The following DDX31 variants were observed in gnomAD, a reference collection of about 807,000 sequenced individuals.
DDX31 encodes the protein DEAD-box helicase 31, also known as ATP-dependent DNA helicase DDX31.
Under a neutral mutation model 91.3 loss-of-function variants are expected in DDX31, and 70 were observed. The ratio of observed to expected loss-of-function variants is 0.77; its 90% CI spans 0.63 to 0.94. DDX31 has a LOEUF of 0.94. DDX31 is among the 40% of genes least tolerant of loss of function. The pLI is 0.00. For missense variants in DDX31, 902 were observed against 925.0 expected (o/e 0.98, Z 0.32); for synonymous variants, 362 against 350.6 (o/e 1.03, Z -0.36).
At chr9:132,629,079 G>C (rs1448469348) in intron 16 of DDX31, among the ~76,000 whole-genome samples, 1 of 152,256 alleles carries the variant, frequency 6.6e-6, no homozygotes, top group Non-Finnish European at 1.5e-5. Flanking sequence ...GCAAAGAGAG[G>C]CCAGCCAGCC....
At chr9:132,615,844 A>G (rs1264675033) in intron 18 of DDX31, among the ~76,000 whole-genome samples, 2 of 152,256 alleles carry the variant, frequency 1.3e-5, no homozygotes, top group Non-Finnish European at 2.9e-5. Context: ...CTGGTTATTA[A>G]CAATGACTGG....
At chr9:132,641,917 C>T in intron 14 of DDX31, 87 bp downstream of exon 14, 2 of 1,424,000 alleles carry the variant, frequency 1.4e-6, no homozygotes, top group South Asian at 1.2e-5. Context: ...TAGGACTGAC[C>T]ACAGGACAAA....
intron 9 of DDX31, among the ~76,000 whole-genome samples, chr9:132,649,163 A>G (rs1264465484): frequency 2.0e-5 from 3 of 152,060 alleles, no homozygotes; most frequent in African/African-American, 7.3e-5. Flanking sequence ...GCTGGTCTCA[A>G]ACTCCTGGTC....
chr9:132,637,883 A>AT, intron 14 of DDX31: 2 of 988,888 alleles, frequency 2.0e-6, no homozygotes, highest in Non-Finnish European at 2.4e-6. Context: ...GTCTACATTT[A>AT]TTTGGGACAC....
chr9:132,646,577 A>G (rs1379096593), intron 12 of DDX31, among the ~76,000 whole-genome samples: 3 of 152,158 alleles, frequency 2.0e-5, no homozygotes, highest in African/African-American at 7.2e-5. Context: ...TGTTCCTAAT[A>G]TCAGTCCCAG....
rs374539267 is a variant in DDX31, at chr9:132,652,492, G to A, written c.589C>T (p.Arg197Cys). 30 of 1,613,934 alleles carry A rather than the reference G, an allele frequency of 1.9e-5. No homozygotes were observed. The highest frequency in any genetic ancestry group is 4.0e-5 in the African/African-American group (3 of 74,926). ...SLQAMESKIQ[R>C]SDGPYALVLV... ...ACCAGGGCATAGGGGCCATCACTGC[G>A]CTGTTGACACACAGAAAAAAAATGC... Residue 197 changes from arginine (R) to cysteine (C), a missense_variant and splice_region_variant, in exon 7 of 20, where the codon CGC (arginine) becomes TGC (cysteine). By Grantham distance (180) the Arg-to-Cys change is radical. Coordinates refer to ENST00000372159, the MANE Select transcript of DDX31 (RefSeq NM_022779.9).
At chr9:132,612,885 G>GT (rs1202947620) in intron 18 of DDX31, among the ~76,000 whole-genome samples, 1 of 152,094 alleles carries the variant, frequency 6.6e-6, no homozygotes, top group African/African-American at 2.4e-5. Flanking sequence ...CCTGATACCA[G>GT]TTTTTTGTGT....
In DDX31 at chr9:132,631,167, C is replaced by T. The variant is rs146616840; in HGVS notation, c.1492-764G>A. On this transcript the variant is annotated intron_variant, in intron 15 of 19. Transcript: ENST00000372159. ...AAAGCTAATTGACCATCCACTCATT[C>T]TTCCCTATGTTTTCCCTTTGATGCT... Among the ~76,000 whole-genome samples, 250 of 152,362 alleles carry T rather than the reference C, an allele frequency of 1.6e-3. 1 individual carries two copies. Among genetic ancestry groups the T allele is most frequent in the South Asian group, 2.9e-3 (14 of 4,828 alleles).
intron 1 of DDX31, among the ~76,000 whole-genome samples, chr9:132,667,168 G>A (rs1835367085): frequency 1.3e-5 from 2 of 152,010 alleles, no homozygotes; most frequent in Non-Finnish European, 2.9e-5. Context: ...TTTTTAGAGA[G>A]AAAATTTCTG....
chr9:132,629,510 C>T (rs1349873418), intron 16 of DDX31, among the ~76,000 whole-genome samples: 1 of 152,246 alleles, frequency 6.6e-6, no homozygotes, highest in African/African-American at 2.4e-5. Context: ...GAGTGGGCTG[C>T]ACCCCACAAC....
intron 18 of DDX31, among the ~76,000 whole-genome samples, chr9:132,617,086 C>T (rs1296676520): frequency 1.3e-5 from 2 of 152,278 alleles, no homozygotes; most frequent in African/African-American, 2.4e-5. Context: ...CCCTTCATTC[C>T]GACCAAGACC....
At position 132,612,188 on chromosome 9, in the gene DDX31, T is replaced by C. The variant is rs1170211740; in HGVS notation, c.1893A>G (p.Arg631=). Residue 631 remains arginine (R), a synonymous_variant, in exon 19 of 20, where the codon CGA becomes CGG. Transcript: ENST00000372159. ...PRELKHIFHV[R]SLHLGHVAKS... ...TCGCCACATGCCCAAGGTGGAGGGA[T>C]CGGACGTGGAAGATGTGCTTCAGCT... 6.2e-7 allele frequency: 1 copy of C among 1,614,162 alleles called. No homozygotes were observed. Among genetic ancestry groups the C allele is most frequent in the South Asian group, 1.1e-5 (1 of 91,082 alleles).
At chr9:132,609,322 C>T (rs1203948844) in intron 19 of DDX31, among the ~76,000 whole-genome samples, 1 of 152,146 alleles carries the variant, frequency 6.6e-6, no homozygotes, top group East Asian at 1.9e-4. Flanking sequence ...TGTTAAATCC[C>T]CTGCTCACAG....
chr9:132,615,631 GAAGA>G (rs1831583697), intron 18 of DDX31, among the ~76,000 whole-genome samples: 1 of 152,230 alleles, frequency 6.6e-6, no homozygotes, highest in African/African-American at 2.4e-5. Flanking sequence ...TGGTCTGCAG[GAAGA>G]CCTGAAGATG....
intron 13 of DDX31, among the ~76,000 whole-genome samples, chr9:132,644,835 G>A (rs893978712): frequency 1.3e-5 from 2 of 152,184 alleles, no homozygotes. Context: ...AAGACCAAGA[G>A]TTTACCTAAT....
rs183193795 is a variant in DDX31, at chr9:132,654,133, C to G, written c.589-1641G>C. Among the ~76,000 whole-genome samples the G allele has an allele frequency of 6.6e-5, 10 of 152,124 alleles. No homozygotes were observed. The East Asian group carries it at 1.9e-3, about 29-fold the overall frequency. ...AACAGATGACATAAAACTCAGAAACCTTAAAATAAAACACTGATACGTTTT... is the reference window on the plus strand; with the variant it reads ...AACAGATGACATAAAACTCAGAAACGTTAAAATAAAACACTGATACGTTTT... On this transcript the variant is annotated intron_variant, in intron 6 of 19. Transcript: ENST00000372159.
intron 17 of DDX31, among the ~76,000 whole-genome samples, chr9:132,623,568 AG>A (rs376486597): frequency 6.7e-6 from 1 of 149,584 alleles, no homozygotes; most frequent in Non-Finnish European, 1.5e-5. Context: ...AAAAAAAAAA[AG>A]AAAAAAAAAA....
intron 19 of DDX31, among the ~76,000 whole-genome samples, chr9:132,610,146 G>C (rs1831243847): frequency 2.6e-5 from 4 of 152,198 alleles, no homozygotes; most frequent in Non-Finnish European, 5.9e-5. Flanking sequence ...CCAGTTCCCA[G>C]GCCCCGCAGC....
At position 132,655,674 on chromosome 9, in the gene DDX31, T is replaced by TA. The variant is rs887892256; in HGVS notation, c.588+2996dup. On this transcript the variant is annotated intron_variant, in intron 6 of 19. Coordinates refer to ENST00000372159, the MANE Select transcript of DDX31 (RefSeq NM_022779.9). ...GTACATTATATCTAAAAAGTATTAA[T>TA]AAAAAAAACAGAAGAAACCAAAGTA... Among the ~76,000 whole-genome samples, 107 of 151,976 alleles carry TA rather than the reference T, an allele frequency of 7.0e-4. 4 individuals carry two copies. In the South Asian group the frequency reaches 0.019, roughly 27 times the overall value.
Sources: gnomAD v4.1 joint callset for allele counts (sites outside exome capture counted in the v4.1 genomes callset) on GRCh38, gnomAD v4.1.1 for gene constraint, MANE v1.5 for transcripts, NCBI Gene and HGNC (gene_info 2026-07-23, HGNC 2026-07-21) for gene names.